Variants in NDRG3 observed in about 807,000 individuals in gnomAD.
NDRG3 encodes NDRG family member 3, also known as protein NDRG3.
A neutral mutation model predicts 57.2 loss-of-function variants in NDRG3; 23 were observed. The ratio of observed to expected loss-of-function variants is 0.40; its 90% CI spans 0.29 to 0.57. The LOEUF (loss-of-function observed/expected upper bound fraction) is 0.57. NDRG3 is among the 20% of genes least tolerant of loss of function. The pLI is 0.42. For synonymous variants in NDRG3, 132 were observed against 162.6 expected (o/e 0.81, Z 1.43); for missense variants, 384 against 457.3 (o/e 0.84, Z 1.46).
At chr20:36,682,119 T>C (rs369695074) in intron 7 of NDRG3, among the ~76,000 whole-genome samples, 139 of 152,318 alleles carry the variant, frequency 9.1e-4, no homozygotes, top group South Asian at 3.9e-3. Flanking sequence ...TATCAATCCA[T>C]TAATATTTTT....
At chr20:36,715,836 A>G (rs933281558) in intron 2 of NDRG3, among the ~76,000 whole-genome samples, 1 of 151,838 alleles carries the variant, frequency 6.6e-6, no homozygotes, top group African/African-American at 2.4e-5. Flanking sequence ...CAAATAAAAA[A>G]AAGATCCTGG....
chr20:36,701,176 G>T (rs560495161), intron 3 of NDRG3, among the ~76,000 whole-genome samples: 19 of 152,174 alleles, frequency 1.2e-4, no homozygotes, highest in African/African-American at 4.3e-4. Context: ...AATCATAAAG[G>T]TCCTTGACAT....
intron 3 of NDRG3, among the ~76,000 whole-genome samples, chr20:36,703,482 T>C (rs192065404): frequency 5.9e-5 from 9 of 152,076 alleles, no homozygotes; most frequent in South Asian, 2.1e-4. Context: ...GTGTGTAATA[T>C]ATAGAGAGAA....
chr20:36,656,522 C>T lies in NDRG3; in HGVS notation c.869G>A (p.Cys290Tyr). Residue 290 changes from cysteine to tyrosine, a missense_variant, in exon 14 of 16, where the codon TGT (cysteine) becomes TAT (tyrosine). By Grantham distance (194) the Cys-to-Tyr change is radical. Coordinates refer to ENST00000349004, the MANE Select transcript of NDRG3 (RefSeq NM_032013.4). The stretch of plus-strand genomic sequence containing the variant: ...CTGAACTACCTGGGGCAGTCCCCCA[C>T]AGTCCGCCATCTAGAAAAGGAAAAA... ...INTTLLKMAD[C>Y]GGLPQVVQPG... The T allele has an allele frequency of 1.9e-6, 3 of 1,614,118 alleles. No individual in the cohort carries two copies. Among genetic ancestry groups the T allele is most frequent in the Non-Finnish European group, 2.5e-6 (3 of 1,179,940 alleles).
intron 8 of NDRG3, among the ~76,000 whole-genome samples, chr20:36,676,036 C>T (rs936185599): frequency 2.0e-5 from 3 of 151,860 alleles, no homozygotes; most frequent in African/African-American, 4.8e-5. Context: ...GTCAGGAGAT[C>T]GAGACCATCC....
rs754890770 is a variant in NDRG3 at position 36,684,392 on chromosome 20, A to G, written c.383+21T>C. 76 of 1,603,194 alleles carry G rather than the reference A, an allele frequency of 4.7e-5. No homozygotes were observed. The South Asian group carries it at 8.0e-4, about 17-fold the overall frequency. On this transcript the variant is annotated intron_variant, in intron 6 of 15. Coordinates refer to ENST00000349004, the MANE Select transcript of NDRG3 (RefSeq NM_032013.4). ...TAGAAAGTCAATAAAAACTGCATGA[A>G]AGACTGCAGAATGAACCTACCTTAG...
intron 8 of NDRG3, among the ~76,000 whole-genome samples, chr20:36,676,248 T>A (rs991313995): frequency 2.2e-4 from 34 of 151,898 alleles, no homozygotes; most frequent in African/African-American, 6.0e-4. Context: ...CAAAAAAAAA[T>A]AAATACATAC....
intron 2 of NDRG3, among the ~76,000 whole-genome samples, chr20:36,710,550 T>C (rs1983805172): frequency 6.6e-6 from 1 of 152,192 alleles, no homozygotes; most frequent in South Asian, 2.1e-4. Context: ...GGCTCATGCC[T>C]GTAATCCCAG....
intron 8 of NDRG3, among the ~76,000 whole-genome samples, chr20:36,674,119 A>G (rs953386775): frequency 2.6e-5 from 4 of 152,198 alleles, no homozygotes; most frequent in Non-Finnish European, 5.9e-5. Flanking sequence ...AAACAAAAAA[A>G]CATTTAAGAA....
chr20:36,682,466 G>A (rs1418549003), intron 7 of NDRG3, 52 bp downstream of exon 7: 1 of 1,453,598 alleles, frequency 6.9e-7, no homozygotes, highest in African/African-American at 1.4e-5. Context: ...AGTAATAGCT[G>A]TGACCCAGGC....
At chr20:36,705,267 G>A (rs992234832) in intron 3 of NDRG3, among the ~76,000 whole-genome samples, 1 of 149,082 alleles carries the variant, frequency 6.7e-6, no homozygotes, top group Non-Finnish European at 1.5e-5. Context: ...GCTGCAGTGA[G>A]CCAGTATCAA....
chr20:36,676,422 A>C (rs901628315), intron 8 of NDRG3, among the ~76,000 whole-genome samples: 1 of 152,126 alleles, frequency 6.6e-6, no homozygotes, highest in Non-Finnish European at 1.5e-5. Context: ...ATGGTTCAAA[A>C]CTTTTTCTAA....
chr20:36,680,636 C>A (rs993050698), intron 8 of NDRG3, among the ~76,000 whole-genome samples, 180 bp downstream of exon 8: 2 of 152,162 alleles, frequency 1.3e-5, no homozygotes, highest in East Asian at 3.8e-4. Context: ...ACAACGGAAT[C>A]CCCTAGTGAG....
chr20:36,672,682 A>G (rs1980277667), intron 8 of NDRG3, among the ~76,000 whole-genome samples: 1 of 152,046 alleles, frequency 6.6e-6, no homozygotes, highest in Non-Finnish European at 1.5e-5. Context: ...TATACAAATT[A>G]GCCAGGCGTG....
chr20:36,721,601 T>A, intron 2 of NDRG3, 78 bp downstream of exon 2: 1 of 830,426 alleles, frequency 1.2e-6, no homozygotes, highest in East Asian at 2.5e-5. Flanking sequence ...TAAGTTACTA[T>A]TTAGATGATA....
rs868670802 is a variant in NDRG3, at chr20:36,715,026, A to G, written c.57+6653T>C. ...TGTGTGTATATATATATATATATAT[A>G]TATATATATATATATATATATATAT... On this transcript the variant is annotated intron_variant, in intron 2 of 15. Transcript: ENST00000349004. Among the ~76,000 whole-genome samples the G allele has an allele frequency of 1.1e-3, 122 of 110,680 alleles. 3 individuals are homozygous for G. The highest frequency in any genetic ancestry group is 4.1e-3 in the Middle Eastern group (1 of 244). The allele number at this position is 110,680 out of a possible 152,430, so 72.6% of individuals were successfully genotyped here. A position where few individuals can be genotyped will look rare whatever the true frequency, so the allele number is the denominator to read the frequency against.
At chr20:36,736,859 G>A (rs1242033171) in intron 1 of NDRG3, among the ~76,000 whole-genome samples, 1 of 152,040 alleles carries the variant, frequency 6.6e-6, no homozygotes, top group Non-Finnish European at 1.5e-5. Context: ...TAAGGGGTGG[G>A]GAAGGATCAA....
intron 1 of NDRG3, among the ~76,000 whole-genome samples, chr20:36,732,846 G>T (rs556565917): frequency 6.6e-6 from 1 of 152,094 alleles, no homozygotes; most frequent in Admixed American, 6.6e-5. Context: ...GAGATTTCAA[G>T]CACTTAAAAA....
At chr20:36,716,368 A>G (rs1251856403) in intron 2 of NDRG3, among the ~76,000 whole-genome samples, 2 of 151,976 alleles carry the variant, frequency 1.3e-5, no homozygotes, top group African/African-American at 2.4e-5. Context: ...CCCCATCTCT[A>G]CTAAAAATAC....
Sources: allele counts gnomAD v4.1 joint callset (sites outside exome capture counted in the v4.1 genomes callset), GRCh38; gene constraint gnomAD v4.1.1; transcripts MANE v1.5; gene names NCBI Gene and HGNC (gene_info 2026-07-23, HGNC 2026-07-21).